The following PTPRA variants were observed in gnomAD, a reference collection of about 807,000 sequenced individuals.
The protein encoded by PTPRA is protein tyrosine phosphatase receptor type A, also known as receptor-type tyrosine-protein phosphatase alpha.
A neutral mutation model predicts 104.8 loss-of-function variants in PTPRA; 25 were observed. The ratio of observed to expected loss-of-function variants is 0.24; its 90% CI spans 0.17 to 0.33. The LOEUF is 0.33. Among genes scored for constraint, PTPRA ranks in the 10% least tolerant of loss-of-function variants. The pLI is 1.00. For missense variants in PTPRA, 765 were observed against 1,015.3 expected, an observed-to-expected ratio of 0.75 and a Z score of 3.35; for synonymous variants, 323 against 368.9, an observed-to-expected ratio of 0.88 and a Z score of 1.43.
chr20:2,906,241 A>G (rs1053957621), intron 1 of PTPRA, among the ~76,000 whole-genome samples: 7 of 152,196 alleles, frequency 4.6e-5, no homozygotes, highest in African/African-American at 9.6e-5. Flanking sequence ...TAAAAATCAA[A>G]TATTTCAGTT....
chr20:3,018,760 G>GC (rs1394361189), intron 13 of PTPRA, among the ~76,000 whole-genome samples: 2 of 145,564 alleles, frequency 1.4e-5, no homozygotes, highest in African/African-American at 2.6e-5. Context: ...AGACGGGGTG[G>GC]TGGCCGGGCA....
intron 1 of PTPRA, among the ~76,000 whole-genome samples, chr20:2,876,201 G>C (rs2089706848): frequency 6.6e-6 from 1 of 152,184 alleles, no homozygotes. Flanking sequence ...CCCAGAGGAA[G>C]GTGTAGAGAG....
At chr20:2,866,846 T>G in the PTPRA span, 1 of 428,272 alleles carries the variant, frequency 2.3e-6, no homozygotes, top group Non-Finnish European at 4.1e-6. Flanking sequence ...AGGTGGGGGC[T>G]TCTCCAGCCA....
At chr20:2,898,476 A>G (rs1232022770) in intron 1 of PTPRA, among the ~76,000 whole-genome samples, 2 of 151,698 alleles carry the variant, frequency 1.3e-5, no homozygotes, top group African/African-American at 4.8e-5. Flanking sequence ...GGCTTCCCAA[A>G]GTGCTGAGAT....
chr20:2,948,955 A>T (rs1179774528), intron 3 of PTPRA, among the ~76,000 whole-genome samples: 1 of 152,124 alleles, frequency 6.6e-6, no homozygotes, highest in Non-Finnish European at 1.5e-5. Context: ...CCGTCTCAAA[A>T]AAAAAAAGTA....
intron 5 of PTPRA, among the ~76,000 whole-genome samples, chr20:2,967,678 T>C (rs1235523620): frequency 6.6e-6 from 1 of 152,064 alleles, no homozygotes; most frequent in Non-Finnish European, 1.5e-5. Flanking sequence ...CTGGGGAACA[T>C]GGTGAAACCC....
chr20:3,021,118 T>C (rs1419052180), intron 13 of PTPRA, among the ~76,000 whole-genome samples, 191 bp from the exon 14 acceptor site: 1 of 152,162 alleles, frequency 6.6e-6, no homozygotes, highest in Non-Finnish European at 1.5e-5. Context: ...CTCAATAGGA[T>C]GGCGGCTAAG....
chr20:3,012,362 C>T (rs772280149), intron 11 of PTPRA, among the ~76,000 whole-genome samples: 3 of 152,130 alleles, frequency 2.0e-5, no homozygotes, highest in South Asian at 2.1e-4. Context: ...GTGAAAACTA[C>T]GTGGAGGTAG....
intron 6 of PTPRA, 98 bp downstream of exon 6, chr20:2,975,339 G>A (rs980197236): frequency 9.1e-7 from 1 of 1,101,002 alleles, no homozygotes; most frequent in African/African-American, 1.6e-5. Context: ...GTGCATCTGT[G>A]GCTGTGTTGT....
At chr20:2,947,463 G>A (rs1296851864) in intron 2 of PTPRA, among the ~76,000 whole-genome samples, 5 of 152,146 alleles carry the variant, frequency 3.3e-5, no homozygotes, top group African/African-American at 1.2e-4. Flanking sequence ...TCTGGAATGA[G>A]AATGAATTCT....
intron 5 of PTPRA, among the ~76,000 whole-genome samples, chr20:2,971,796 T>C (rs2062198624): frequency 6.6e-6 from 1 of 152,176 alleles, no homozygotes; most frequent in South Asian, 2.1e-4. Flanking sequence ...TGATTTTTTT[T>C]CTCTTTTGGT....
chr20:2,868,480 T>G (rs553465462), upstream of PTPRA, among the ~76,000 whole-genome samples: 2 of 151,632 alleles, frequency 1.3e-5, no homozygotes, highest in Non-Finnish European at 2.9e-5. Context: ...CACCTCCTGA[T>G]AGGGAGTAGC....
intron 2 of PTPRA, among the ~76,000 whole-genome samples, chr20:2,930,111 G>C (rs2060454543): frequency 6.6e-6 from 1 of 152,186 alleles, no homozygotes; most frequent in African/African-American, 2.4e-5. Context: ...CACCGAGTCT[G>C]TGATACTTTT....
upstream of PTPRA, among the ~76,000 whole-genome samples, chr20:2,868,931 AC>A (rs2089396099): frequency 6.6e-6 from 1 of 152,332 alleles, no homozygotes; most frequent in South Asian, 2.1e-4. Context: ...TTAACTGATG[AC>A]AAATGTATAT....
At chr20:2,951,854 T>G (rs2061364148) in intron 3 of PTPRA, among the ~76,000 whole-genome samples, 1 of 152,110 alleles carries the variant, frequency 6.6e-6, no homozygotes, top group Non-Finnish European at 1.5e-5. Context: ...TAAAATCTGT[T>G]TTAAGGCTGG....
intron 1 of PTPRA, among the ~76,000 whole-genome samples, chr20:2,910,142 TC>T (rs1163583167): frequency 4.8e-5 from 5 of 104,612 alleles, no homozygotes; most frequent in Non-Finnish European, 9.0e-5. Context: ...ATATATAACA[TC>T]ATATATACTA....
chr20:3,005,594 GATAA>G (rs11469699), intron 10 of PTPRA, among the ~76,000 whole-genome samples: 17,022 of 151,834 alleles, frequency 0.11, 1,148 homozygotes, highest in African/African-American at 0.17. Context: ...TAATAAATAA[GATAA>G]ATAAATAAGA....
At chr20:2,943,115 CAT>C (rs1459061040) in intron 2 of PTPRA, among the ~76,000 whole-genome samples, 1 of 151,378 alleles carries the variant, frequency 6.6e-6, no homozygotes, top group African/African-American at 2.4e-5. Context: ...GATTACAACA[CAT>C]AGCCTGCATG....
chr20:2,946,278 C>T (rs2147733772), intron 2 of PTPRA, among the ~76,000 whole-genome samples: 1 of 152,190 alleles, frequency 6.6e-6, no homozygotes, highest in South Asian at 2.1e-4. Flanking sequence ...AGCTTTCCCC[C>T]CAACCCCCAT....
Sources: gnomAD v4.1 joint callset for allele counts (sites outside exome capture counted in the v4.1 genomes callset) on GRCh38, gnomAD v4.1.1 for gene constraint, MANE v1.5 for transcripts, NCBI Gene and HGNC (gene_info 2026-07-23, HGNC 2026-07-21) for gene names.